Variants in IMPG2 observed in about 807,000 individuals in gnomAD.
IMPG2 encodes IPM 200.
A neutral mutation model predicts 129.2 loss-of-function variants in IMPG2; 91 were observed. The ratio of observed to expected loss-of-function variants is 0.70; its 90% confidence interval spans 0.59 to 0.84. The LOEUF (loss-of-function observed/expected upper bound fraction) is 0.84, where lower values mean the gene tolerates loss of function less well. Ranked by LOEUF, IMPG2 falls within the 40% of genes least tolerant of loss-of-function variation. IMPG2 has a pLI of 0.00. For synonymous variants in IMPG2, 510 were observed against 517.7 expected (o/e 0.99, Z 0.20); for missense variants, 1,430 against 1,461.7 (o/e 0.98, Z 0.35).
At chr3:101,273,338 G>A (rs1397819877) in intron 7 of IMPG2, among the ~76,000 whole-genome samples, 2 of 152,146 alleles carry the variant, frequency 1.3e-5, no homozygotes, top group African/African-American at 2.4e-5. Flanking sequence ...TTTCTTGGCT[G>A]TGCAGCAAAA....
In IMPG2 at chr3:101,243,865, T is replaced by G. The variant is rs1559642804; in HGVS notation, c.2466A>C (p.Thr822=). The change falls in exon 13 of 19, where the codon ACA becomes ACC. Residue 822 remains threonine, a synonymous_variant. Transcript: ENST00000193391. ...CTTCATCCTCTAGCAGGGTGGAGAT[T>G]GTGGTTGGAGGCAATTTGGTAGACT... ...VTQSTKLPPT[T]ISTLLEDEVI... The G allele has an allele frequency of 6.2e-7, 1 of 1,614,038 alleles. No individual in the cohort carries two copies.
At chr3:101,250,460 C>T (rs1455744074) in intron 11 of IMPG2, among the ~76,000 whole-genome samples, 1 of 152,108 alleles carries the variant, frequency 6.6e-6, no homozygotes, top group African/African-American at 2.4e-5. Context: ...ACAAAATTAT[C>T]ACATTTTACA....
At chr3:101,304,122 C>G in intron 3 of IMPG2, 24 bp downstream of exon 3, 1 of 1,612,538 alleles carries the variant, frequency 6.2e-7, no homozygotes, top group Non-Finnish European at 8.5e-7. Context: ...GTCCAGGAAT[C>G]CCTTCCTTTG....
chr3:101,304,331 T>C lies in IMPG2; in HGVS notation c.335-19A>G. 1 of 1,611,272 alleles carries C rather than the reference T, an allele frequency of 6.2e-7. No individual in the cohort carries two copies. The highest frequency in any genetic ancestry group is 8.5e-7 in the Non-Finnish European group (1 of 1,177,618). ...TGACACACTAGAAAATAGAGAGGTG[T>C]TTTTTTACAAAAAGCTAACATGCTC... On this transcript the variant is annotated intron_variant, in intron 2 of 18. Coordinates refer to ENST00000193391, the MANE Select transcript of IMPG2 (RefSeq NM_016247.4).
chr3:101,249,835 C>T (rs1018359994), intron 11 of IMPG2, among the ~76,000 whole-genome samples: 1 of 151,364 alleles, frequency 6.6e-6, no homozygotes, highest in Admixed American at 6.6e-5. Context: ...GATGACTTCT[C>T]GCACTTTTCT....
intron 18 of IMPG2, among the ~76,000 whole-genome samples, chr3:101,228,022 G>A (rs901265686): frequency 6.6e-6 from 1 of 152,078 alleles, no homozygotes; most frequent in Non-Finnish European, 1.5e-5. Flanking sequence ...GGCCCTCCAC[G>A]AACAAACACT....
intron 2 of IMPG2, among the ~76,000 whole-genome samples, chr3:101,317,517 G>A (rs751552125): frequency 5.9e-5 from 9 of 152,002 alleles, no homozygotes; most frequent in Non-Finnish European, 1.2e-4. Context: ...CCTCTAAATT[G>A]CAAACATTTG....
At chr3:101,284,386 AG>A (rs1356841767) in intron 4 of IMPG2, among the ~76,000 whole-genome samples, 2 of 152,224 alleles carry the variant, frequency 1.3e-5, no homozygotes, top group Non-Finnish European at 2.9e-5. Context: ...AAAAAGAAAA[AG>A]TCTCTTGATG....
intron 3 of IMPG2, among the ~76,000 whole-genome samples, chr3:101,303,088 C>A (rs1226145383): frequency 6.6e-6 from 1 of 152,110 alleles, no homozygotes; most frequent in Non-Finnish European, 1.5e-5. Context: ...CAGTGTTATT[C>A]AGTCAATAAT....
In IMPG2 at chr3:101,286,937, C is replaced by T. The variant is rs150080911; in HGVS notation, c.533+4542G>A. On this transcript the variant is annotated intron_variant, in intron 4 of 18. Transcript: ENST00000193391. ...ATTAACAGACTTTCATTCATTTCCC[C>T]TCCTTCTCTAATCACCTCCTAGTAG... Among the ~76,000 whole-genome samples the T allele has an allele frequency of 7.5e-3, 1,140 of 152,298 alleles. 15 individuals carry two copies. The highest frequency in any genetic ancestry group is 0.025 in the African/African-American group (1,047 of 41,564).
chr3:101,273,664 G>A lies in IMPG2; in HGVS notation c.745C>T (p.Leu249Phe), dbSNP rs376443291. ...GEQIAEFSIHLLGKQYREELQ... is the reference protein window; with the variant it reads ...GEQIAEFSIHFLGKQYREELQ... ...TCTTCCCTGTACTGCTTCCCCAAAA[G>A]GTGGATACTGAATTCTGCAATCTGT... is the stretch of plus-strand genomic sequence containing the variant. Residue 249 changes from leucine (L) to phenylalanine (F), a missense_variant, in exon 7 of 19, where the codon CTT (leucine) becomes TTT (phenylalanine). Physicochemically the swap from Leu to Phe is conservative, Grantham distance 22. Transcript: ENST00000193391. 2.9e-4 allele frequency: 476 copies of A among 1,613,866 alleles called. No individual in the cohort carries two copies. The highest frequency in any genetic ancestry group is 3.9e-4 in the Non-Finnish European group (462 of 1,179,970).
chr3:101,257,972 G>A (rs543939345), intron 9 of IMPG2, among the ~76,000 whole-genome samples, 199 bp from the exon 10 acceptor site: 1 of 152,146 alleles, frequency 6.6e-6, no homozygotes, highest in South Asian at 2.1e-4. Context: ...ATAGCTCTAA[G>A]AATAGGGAAA....
chr3:101,294,015 G>C (rs1217581819), intron 3 of IMPG2, among the ~76,000 whole-genome samples: 1 of 152,100 alleles, frequency 6.6e-6, no homozygotes, highest in Non-Finnish European at 1.5e-5. Flanking sequence ...CAAGAAGGCT[G>C]TTTTGCTTAC....
chr3:101,273,540 G>A (rs753252596), intron 7 of IMPG2, 41 bp downstream of exon 7: 1 of 1,587,986 alleles, frequency 6.3e-7, no homozygotes, highest in Admixed American at 1.7e-5. Context: ...AACTAACATA[G>A]CAGGCATACT....
At chr3:101,290,083 A>G (rs1372199181) in intron 4 of IMPG2, among the ~76,000 whole-genome samples, 2 of 152,028 alleles carry the variant, frequency 1.3e-5, no homozygotes, top group African/African-American at 4.8e-5. Context: ...ATAGACTGTG[A>G]AAGTTGGATG....
In IMPG2 at chr3:101,244,382, A is replaced by G. The variant is rs1270999514; in HGVS notation, c.1949T>C (p.Val650Ala). The change falls in exon 13 of 19, where the codon GTT (valine) becomes GCT (alanine). Residue 650 changes from valine (V) to alanine (A), a missense_variant. By Grantham distance (64) the Val-to-Ala change is moderately conservative (BLOSUM62 0). Transcript: ENST00000193391. Reference protein sequence around the residue: ...LPAEIEDKKLVLVDKMDSTDQ... With the variant: ...LPAEIEDKKLALVDKMDSTDQ... ...TGTGGAATCCATTTTGTCAACTAAAACTAGTTTCTTGTCTTCAATCTCAGC... is the reference window on the plus strand; with the variant it reads ...TGTGGAATCCATTTTGTCAACTAAAGCTAGTTTCTTGTCTTCAATCTCAGC... 15 of 1,613,956 alleles carry G rather than the reference A, an allele frequency of 9.3e-6. No homozygotes were observed. In the Admixed American group the frequency reaches 2.5e-4, roughly 27 times the overall value.
intron 3 of IMPG2, among the ~76,000 whole-genome samples, chr3:101,301,356 T>C (rs767102497): frequency 6.6e-6 from 1 of 152,230 alleles, no homozygotes; most frequent in Non-Finnish European, 1.5e-5. Context: ...CAGACTTGCT[T>C]GACACAGGGT....
At chr3:101,254,328 C>T (rs1410464901) in intron 10 of IMPG2, among the ~76,000 whole-genome samples, 1 of 152,012 alleles carries the variant, frequency 6.6e-6, no homozygotes, top group Admixed American at 6.6e-5. Context: ...TGCTAGTTAC[C>T]ACAGGCTTTG....
rs745834185 is a variant in IMPG2 at position 101,253,710 on chromosome 3, G to C, written c.1225C>G (p.Pro409Ala). The change falls in exon 11 of 19, where the codon CCG becomes GCG. Residue 409 changes from proline to alanine, a missense_variant. Physicochemically the swap from Pro to Ala is conservative, Grantham distance 27. Coordinates refer to ENST00000193391, the MANE Select transcript of IMPG2 (RefSeq NM_016247.4). ...TAAAAACATACCAGAATAGATGACGGCGTTGCCTGAAGACTTGAACTTTGG... is the reference window on the plus strand; with the variant it reads ...TAAAAACATACCAGAATAGATGACGCCGTTGCCTGAAGACTTGAACTTTGG... ...NTQSSSLQATPSSILDNTFQA... is the reference protein window; with the variant it reads ...NTQSSSLQATASSILDNTFQA... The C allele has an allele frequency of 2.5e-6, 4 of 1,610,970 alleles. No individual in the cohort carries two copies. The Admixed American group carries it at 5.0e-5, about 20-fold the overall frequency.
Sources: gnomAD v4.1 joint callset for allele counts (sites outside exome capture counted in the v4.1 genomes callset) on GRCh38, gnomAD v4.1.1 for gene constraint, MANE v1.5 for transcripts, NCBI Gene and HGNC (gene_info 2026-07-23, HGNC 2026-07-21) for gene names.